The following DCC variants were observed in gnomAD, a reference collection of about 807,000 sequenced individuals.
The protein encoded by DCC is DCC netrin 1 receptor.
DCC carries 58 observed loss-of-function variants against 172.5 expected under a neutral mutation model. That is an observed-to-expected ratio of 0.34 (90% CI 0.27 to 0.42). DCC has a LOEUF of 0.42. Ranked by LOEUF, DCC falls within the 10% of genes least tolerant of loss-of-function variation. The probability of loss-of-function intolerance (pLI) is 1.00; values close to 1 mark genes in which losing one functional copy is unlikely to be tolerated. For missense variants in DCC, 1,740 were observed against 1,791.0 expected, an observed-to-expected ratio of 0.97 and a Z score of 0.51; for synonymous variants, 709 against 644.5, an observed-to-expected ratio of 1.10 and a Z score of -1.52.
chr18:52,707,201 G>T (rs1223122753), intron 1 of DCC, among the ~76,000 whole-genome samples: 1 of 152,152 alleles, frequency 6.6e-6, no homozygotes, highest in Non-Finnish European at 1.5e-5. Flanking sequence ...TGTTAAACTT[G>T]TATGATTTAT....
At chr18:53,410,685 G>C (rs1223606068) in intron 20 of DCC, 39 bp downstream of exon 20, 14 of 1,297,226 alleles carry the variant, frequency 1.1e-5, no homozygotes, top group Non-Finnish European at 1.5e-5. Context: ...TTTTCCTGTG[G>C]GATTGTTATA....
At chr18:53,340,059 C>CACACACACACACACACAT in intron 15 of DCC, 152 bp downstream of exon 15, 2 of 498,660 alleles carry the variant, frequency 4.0e-6, no homozygotes, top group Non-Finnish European at 3.5e-6. Flanking sequence ...CACACACACA[C>CACACACACACACACACAT]ACACACACAC....
chr18:53,115,809 A>G (rs2043400375), intron 7 of DCC, among the ~76,000 whole-genome samples: 1 of 151,710 alleles, frequency 6.6e-6, no homozygotes, highest in East Asian at 1.9e-4. Flanking sequence ...AAAGATAATT[A>G]TGAGATGTTT....
intron 15 of DCC, among the ~76,000 whole-genome samples, chr18:53,373,999 C>T (rs974947579): frequency 2.0e-5 from 3 of 152,184 alleles, no homozygotes; most frequent in Non-Finnish European, 2.9e-5. Flanking sequence ...AACAGGAATC[C>T]TTTACACTGA....
At chr18:53,175,573 C>G (rs1018305684) in intron 8 of DCC, among the ~76,000 whole-genome samples, 1 of 149,016 alleles carries the variant, frequency 6.7e-6, no homozygotes, top group African/African-American at 2.4e-5. Flanking sequence ...AACTCCCATT[C>G]ACAATTGCTT....
chr18:52,475,815 T>A (rs1000913942), intron 1 of DCC, among the ~76,000 whole-genome samples: 2 of 152,194 alleles, frequency 1.3e-5, no homozygotes, highest in African/African-American at 4.8e-5. Flanking sequence ...TTTTGCCTGG[T>A]TATATAGATT....
intron 1 of DCC, among the ~76,000 whole-genome samples, chr18:52,743,821 T>C (rs969889798): frequency 3.3e-5 from 5 of 152,208 alleles, no homozygotes; most frequent in Non-Finnish European, 4.4e-5. Flanking sequence ...TTTAGTTCCC[T>C]GTAAAGGGAA....
At chr18:52,741,815 G>T (rs576130876) in intron 1 of DCC, among the ~76,000 whole-genome samples, 2 of 152,016 alleles carry the variant, frequency 1.3e-5, no homozygotes, top group Non-Finnish European at 2.9e-5. Flanking sequence ...CTCTGCCTGC[G>T]GTGTTCTTCC....
intron 9 of DCC, among the ~76,000 whole-genome samples, chr18:53,179,478 C>T (rs566643579): frequency 6.6e-6 from 1 of 152,260 alleles, no homozygotes; most frequent in Non-Finnish European, 1.5e-5. Context: ...AAGAGTGTAA[C>T]ATCAAAGGTA....
chr18:53,111,456 A>G (rs564925809), intron 7 of DCC, among the ~76,000 whole-genome samples: 22 of 148,432 alleles, frequency 1.5e-4, no homozygotes, highest in South Asian at 6.2e-4. Flanking sequence ...AAAAAAAAAA[A>G]AGAGAGACCA....
At chr18:53,004,370 T>C (rs867301365) in intron 5 of DCC, among the ~76,000 whole-genome samples, 2 of 151,666 alleles carry the variant, frequency 1.3e-5, no homozygotes, top group Middle Eastern at 6.8e-3. Context: ...AATCTCTCTG[T>C]GTGTATGTGT....
intron 2 of DCC, among the ~76,000 whole-genome samples, chr18:52,887,799 A>T (rs1297510437): frequency 6.6e-6 from 1 of 152,144 alleles, no homozygotes; most frequent in African/African-American, 2.4e-5. Flanking sequence ...ATGATTTTTT[A>T]AATCCAATTT....
At position 53,348,362 on chromosome 18, in the gene DCC, C is replaced by G. The variant is rs574005261; in HGVS notation, c.2359+8455C>G. 2.6e-5 allele frequency among the ~76,000 whole-genome samples: 4 copies of G among 152,296 alleles called. No individual in the cohort carries two copies. The South Asian group carries it at 8.3e-4, about 32-fold the overall frequency. On this transcript the variant is annotated intron_variant, in intron 15 of 28. Transcript: ENST00000442544. ...GTCTCATATCCAGGTCACACTGATGCAAGACGTGGGTTCCCATCTTCTTGG... is the reference window on the plus strand; with the variant it reads ...GTCTCATATCCAGGTCACACTGATGGAAGACGTGGGTTCCCATCTTCTTGG...
chr18:52,571,873 GA>G (rs2033304161), intron 1 of DCC, among the ~76,000 whole-genome samples: 2 of 152,178 alleles, frequency 1.3e-5, no homozygotes, highest in Admixed American at 1.3e-4. Flanking sequence ...AACATGTATG[GA>G]AACATACAAA....
At chr18:52,380,770 A>G (rs957646033) in intron 1 of DCC, among the ~76,000 whole-genome samples, 3 of 152,124 alleles carry the variant, frequency 2.0e-5, no homozygotes, top group Admixed American at 6.6e-5. Flanking sequence ...AATTACGTAC[A>G]TAGCTTCTTG....
chr18:53,363,927 G>A (rs2057974756), intron 15 of DCC, among the ~76,000 whole-genome samples: 1 of 152,068 alleles, frequency 6.6e-6, no homozygotes, highest in Non-Finnish European at 1.5e-5. Flanking sequence ...TACCAGAGGT[G>A]CAAAAATCAT....
chr18:53,528,103 A>G (rs1357915199), intron 28 of DCC, among the ~76,000 whole-genome samples: 1 of 152,176 alleles, frequency 6.6e-6, no homozygotes, highest in Non-Finnish European at 1.5e-5. Context: ...TCTGTAAGCA[A>G]TGCAACTACC....
intron 1 of DCC, among the ~76,000 whole-genome samples, chr18:52,428,658 G>T (rs1338050024): frequency 2.0e-5 from 3 of 152,060 alleles, no homozygotes; most frequent in Admixed American, 6.6e-5. Context: ...ACTATTTCAG[G>T]ATCTAAACTT....
At chr18:53,127,334 G>A (rs1187591439) in intron 7 of DCC, among the ~76,000 whole-genome samples, 1 of 151,732 alleles carries the variant, frequency 6.6e-6, no homozygotes, top group Non-Finnish European at 1.5e-5. Context: ...TGGTCATCAG[G>A]ATTATTCGGA....
Sources: allele counts gnomAD v4.1 joint callset (sites outside exome capture counted in the v4.1 genomes callset), GRCh38; gene constraint gnomAD v4.1.1; transcripts MANE v1.5; gene names NCBI Gene and HGNC (gene_info 2026-07-23, HGNC 2026-07-21).